The following AGBL4 variants were observed in gnomAD, a reference collection of about 807,000 sequenced individuals.
AGBL4 encodes the protein AGBL carboxypeptidase 4.
A neutral mutation model predicts 66.4 loss-of-function variants in AGBL4; 58 were observed. The ratio of observed to expected loss-of-function variants is 0.87; its 90% CI spans 0.71 to 1.09. AGBL4 has a LOEUF of 1.09. Among genes scored for constraint, AGBL4 ranks in the 50% least tolerant of loss-of-function variants. The pLI is 0.00. For synonymous variants in AGBL4, 234 were observed against 222.9 expected (o/e 1.05, Z -0.44); for missense variants, 579 against 631.0 (o/e 0.92, Z 0.88).
At chr1:49,443,943 A>G (rs1646095498) in intron 3 of AGBL4, among the ~76,000 whole-genome samples, 1 of 151,786 alleles carries the variant, frequency 6.6e-6, no homozygotes, top group African/African-American at 2.4e-5. Context: ...GCTCTATTCC[A>G]CAGGTTTTCT....
At chr1:49,666,564 T>C (rs1332444001) in intron 3 of AGBL4, among the ~76,000 whole-genome samples, 8 of 151,670 alleles carry the variant, frequency 5.3e-5, no homozygotes, top group Non-Finnish European at 2.9e-5. Flanking sequence ...AGACTCTGTC[T>C]CAAAATAAAT....
chr1:49,103,779 C>A (rs766000434), intron 4 of AGBL4, among the ~76,000 whole-genome samples: 1 of 152,170 alleles, frequency 6.6e-6, no homozygotes, highest in Non-Finnish European at 1.5e-5. Flanking sequence ...TGCTAATGGT[C>A]ATCTAGAAAA....
At chr1:48,993,312 G>C (rs1363938823) in intron 5 of AGBL4, among the ~76,000 whole-genome samples, 2 of 151,852 alleles carry the variant, frequency 1.3e-5, no homozygotes, top group East Asian at 3.9e-4. Flanking sequence ...GGTACCTCAG[G>C]ACTCTGCCTG....
chr1:49,375,062 A>G (rs1488870643), intron 3 of AGBL4, among the ~76,000 whole-genome samples: 3 of 152,146 alleles, frequency 2.0e-5, no homozygotes, highest in Non-Finnish European at 2.9e-5. Flanking sequence ...TCTTACATGA[A>G]CTATGCTCTT....
At chr1:48,697,504 A>G (rs972376504) in intron 6 of AGBL4, among the ~76,000 whole-genome samples, 1 of 152,198 alleles carries the variant, frequency 6.6e-6, no homozygotes, top group African/African-American at 2.4e-5. Context: ...TGGTAATACA[A>G]TGGTAAGTAG....
At chr1:49,443,832 T>C (rs1646093031) in intron 3 of AGBL4, among the ~76,000 whole-genome samples, 1 of 151,364 alleles carries the variant, frequency 6.6e-6, no homozygotes, top group Non-Finnish European at 1.5e-5. Context: ...CTTGCTTTTC[T>C]AGCTCCTTGA....
chr1:49,865,087 C>T (rs566842524), intron 1 of AGBL4, among the ~76,000 whole-genome samples: 19 of 152,262 alleles, frequency 1.2e-4, no homozygotes, highest in South Asian at 8.3e-4. Context: ...CAGGGGTTTA[C>T]GGACAAAACT....
chr1:50,007,458 T>C (rs1661220949), intron 1 of AGBL4, among the ~76,000 whole-genome samples: 1 of 152,158 alleles, frequency 6.6e-6, no homozygotes, highest in Non-Finnish European at 1.5e-5. Flanking sequence ...TAAGAATCTG[T>C]TGTGTATAAG....
rs148683785 is a variant in AGBL4, at chr1:49,096,776, A to C, written c.378-50976T>G. On this transcript the variant is annotated intron_variant, in intron 4 of 13. Transcript: ENST00000371839. ...AATGGGTGCAGCACACCAACATGGC[A>C]CATGTATACATATGTAACAAACCTG... Among the ~76,000 whole-genome samples, 1,551 of 152,016 alleles carry C rather than the reference A, an allele frequency of 0.01. 43 individuals carry two copies. In the East Asian group the frequency reaches 0.12, roughly 12 times the overall value.
chr1:48,614,744 C>T (rs1002798885), intron 9 of AGBL4, among the ~76,000 whole-genome samples: 2 of 152,086 alleles, frequency 1.3e-5, no homozygotes, highest in African/African-American at 2.4e-5. Flanking sequence ...AGAAAAATAA[C>T]TCTAAAACAA....
At chr1:49,584,774 G>A (rs1196531782) in intron 3 of AGBL4, among the ~76,000 whole-genome samples, 3 of 152,092 alleles carry the variant, frequency 2.0e-5, no homozygotes, top group Non-Finnish European at 4.4e-5. Flanking sequence ...GCCTTTATCA[G>A]GACTACACTT....
intron 6 of AGBL4, among the ~76,000 whole-genome samples, chr1:48,759,632 G>A (rs182601888): frequency 6.6e-6 from 1 of 152,308 alleles, no homozygotes; most frequent in Non-Finnish European, 1.5e-5. Context: ...CAATGCCTAG[G>A]CAGTGGCTTG....
intron 11 of AGBL4, 44 bp from the exon 12 acceptor site, chr1:48,539,782 G>C: frequency 5.3e-6 from 7 of 1,326,098 alleles, no homozygotes; most frequent in Non-Finnish European, 7.1e-6. Flanking sequence ...AACAGATTGA[G>C]ACAGAGTGAA....
intron 1 of AGBL4, among the ~76,000 whole-genome samples, chr1:49,873,612 A>T (rs867732983): frequency 1.3e-5 from 2 of 152,178 alleles, no homozygotes; most frequent in Middle Eastern, 6.8e-3. Context: ...TGAGACAAAA[A>T]CATAATTGAC....
intron 6 of AGBL4, among the ~76,000 whole-genome samples, chr1:48,802,793 A>G (rs1272670949): frequency 6.6e-6 from 1 of 152,086 alleles, no homozygotes; most frequent in African/African-American, 2.4e-5. Context: ...CTATGGACTC[A>G]TGTCTTGTCT....
intron 3 of AGBL4, among the ~76,000 whole-genome samples, chr1:49,604,716 CTT>C (rs1645032272): frequency 6.6e-6 from 1 of 152,022 alleles, no homozygotes; most frequent in Non-Finnish European, 1.5e-5. Context: ...GGTACATAGA[CTT>C]CTTCCATCTC....
chr1:48,988,425 T>C (rs1392257291), intron 5 of AGBL4, among the ~76,000 whole-genome samples: 1 of 152,196 alleles, frequency 6.6e-6, no homozygotes, highest in Non-Finnish European at 1.5e-5. Context: ...ATGCAGACTA[T>C]ATACCTGGAT....
Position 49,467,137 on chromosome 1 carries a change from A to T in AGBL4, c.283-221273T>A, listed in dbSNP as rs147809192. Among the ~76,000 whole-genome samples, 20 of 151,988 alleles carry T rather than the reference A, an allele frequency of 1.3e-4. No individual in the cohort carries two copies. In the East Asian group the frequency reaches 2.1e-3, roughly 16 times the overall value. On this transcript the variant is annotated intron_variant, in intron 3 of 13. Coordinates refer to ENST00000371839, the MANE Select transcript of AGBL4 (RefSeq NM_032785.4). ...GGGAAGGCAGCCAAACGTAAAAGTC[A>T]ACCATGACTTCTCTACCATGAAGGT...
chr1:49,636,246 T>G (rs993450144), intron 3 of AGBL4, among the ~76,000 whole-genome samples: 1 of 152,196 alleles, frequency 6.6e-6, no homozygotes, highest in Non-Finnish European at 1.5e-5. Flanking sequence ...AAGATGAAGG[T>G]GCCAGCAGAT....
Sources: allele counts gnomAD v4.1 joint callset (sites outside exome capture counted in the v4.1 genomes callset), GRCh38; gene constraint gnomAD v4.1.1; transcripts MANE v1.5; gene names NCBI Gene and HGNC (gene_info 2026-07-23, HGNC 2026-07-21).